Variants in SBF2 observed in about 807,000 individuals in gnomAD.
SBF2 encodes myotubularin-related protein 13.
In SBF2, 112 loss-of-function variants were observed where a neutral mutation model predicts 225.2. That is an observed-to-expected ratio of 0.50 (90% CI 0.43 to 0.58). The LOEUF (loss-of-function observed/expected upper bound fraction) is 0.58. Ranked by LOEUF, SBF2 falls within the 20% of genes least tolerant of loss-of-function variation. The pLI, the probability that SBF2 is intolerant of heterozygous loss-of-function variation, is 0.00. For missense variants in SBF2, 1,996 were observed against 2,206.2 expected, an observed-to-expected ratio of 0.90 and a Z score of 1.91; for synonymous variants, 763 against 773.3, an observed-to-expected ratio of 0.99 and a Z score of 0.22.
intron 6 of SBF2, among the ~76,000 whole-genome samples, chr11:10,022,392 A>G (rs1041078699): frequency 1.3e-5 from 2 of 152,214 alleles, no homozygotes; most frequent in Non-Finnish European, 2.9e-5. Context: ...ACATATTTTT[A>G]AGGTTTTAAA....
chr11:9,949,434 T>C (rs1191968564), intron 16 of SBF2, among the ~76,000 whole-genome samples: 3 of 152,186 alleles, frequency 2.0e-5, no homozygotes, highest in Non-Finnish European at 4.4e-5. Context: ...CTACAAGGGT[T>C]GCTGTAGGTT....
rs1472208076 is a variant in SBF2 at position 9,856,532 on chromosome 11, T to C, written c.2289A>G (p.Thr763=). 5 of 1,614,176 alleles carry C rather than the reference T, an allele frequency of 3.1e-6. No homozygotes were observed. The highest frequency in any genetic ancestry group is 2.2e-5 in the East Asian group (1 of 44,872). ...LMVNLLVPLD[T]SKNKLLRTSA... ...ATGTTCTTAGGAGCTTGTTTTTACT[T>C]GTGTCGAGTGGAACTAGCAGGTTCA... Residue 763 remains threonine, a synonymous_variant, in exon 19 of 40, where the codon ACA becomes ACG. Transcript: ENST00000256190.
chr11:10,252,343 C>G (rs763469430), intron 1 of SBF2, among the ~76,000 whole-genome samples: 124 of 152,218 alleles, frequency 8.1e-4, no homozygotes, highest in Admixed American at 3.3e-3. Flanking sequence ...CTCTGTACTT[C>G]TATATTTGAG....
chr11:9,959,315 T>G, intron 16 of SBF2: 1 of 775,626 alleles, frequency 1.3e-6, no homozygotes, highest in Non-Finnish European at 2.4e-6. Context: ...TCTGCTCACA[T>G]ACTACAGTTA....
chr11:10,113,999 G>A (rs1022748516), intron 2 of SBF2, among the ~76,000 whole-genome samples: 1 of 152,076 alleles, frequency 6.6e-6, no homozygotes, highest in Non-Finnish European at 1.5e-5. Flanking sequence ...TATTGTTAGT[G>A]TGTATTTCTC....
intron 17 of SBF2, among the ~76,000 whole-genome samples, chr11:9,872,381 C>T (rs1236244815): frequency 6.6e-6 from 1 of 152,138 alleles, no homozygotes; most frequent in Non-Finnish European, 1.5e-5. Context: ...ATGATCTGTG[C>T]AGCAAACTAC....
chr11:9,949,742 C>G (rs958861580), intron 16 of SBF2, among the ~76,000 whole-genome samples: 4 of 151,800 alleles, frequency 2.6e-5, no homozygotes, highest in African/African-American at 9.7e-5. Context: ...TTGTATCTAT[C>G]TGATTTTGGA....
intron 2 of SBF2, among the ~76,000 whole-genome samples, chr11:10,158,234 AAAAC>A (rs1186271190): frequency 6.6e-6 from 1 of 152,182 alleles, no homozygotes; most frequent in African/African-American, 2.4e-5. Flanking sequence ...CATTAAGAAA[AAAAC>A]AAAGATCTCA....
chr11:10,252,660 A>T (rs73419149), intron 1 of SBF2, among the ~76,000 whole-genome samples: 29,664 of 151,918 alleles, frequency 0.2, 3,075 homozygotes, highest in Middle Eastern at 0.26. Context: ...AATACAAAAA[A>T]TTAGCCGGGC....
chr11:10,251,691 T>C (rs1447586731), intron 1 of SBF2, among the ~76,000 whole-genome samples: 1 of 152,212 alleles, frequency 6.6e-6, no homozygotes, highest in Non-Finnish European at 1.5e-5. Context: ...ATAGTCTCCC[T>C]GGTGCGCTGT....
At chr11:9,935,013 A>C (rs1452485299) in intron 16 of SBF2, among the ~76,000 whole-genome samples, 6 of 152,156 alleles carry the variant, frequency 3.9e-5, no homozygotes, top group African/African-American at 1.4e-4. Flanking sequence ...AGGAAGTGAA[A>C]TTGTCCCTGT....
At chr11:10,013,885 C>CTCAT (rs145187504) in intron 6 of SBF2, among the ~76,000 whole-genome samples, 13,808 of 152,116 alleles carry the variant, frequency 0.091, 927 homozygotes, top group East Asian at 0.27. Flanking sequence ...TACTTACTTG[C>CTCAT]TCATTCATTC....
chr11:9,805,909 C>CTG (rs1319340863), intron 32 of SBF2, among the ~76,000 whole-genome samples: 4 of 152,320 alleles, frequency 2.6e-5, no homozygotes, highest in Admixed American at 1.3e-4. Flanking sequence ...GCGTGAGCCA[C>CTG]CACGCCCGAC....
chr11:10,217,899 A>G (rs1255395351), intron 1 of SBF2, among the ~76,000 whole-genome samples: 1 of 151,966 alleles, frequency 6.6e-6, no homozygotes, highest in Non-Finnish European at 1.5e-5. Context: ...GAGCAAAGTC[A>G]CATCTTTTTT....
At chr11:10,079,944 T>A (rs1590910399) in intron 2 of SBF2, among the ~76,000 whole-genome samples, 1 of 151,582 alleles carries the variant, frequency 6.6e-6, no homozygotes. Flanking sequence ...ATTTTCAAAG[T>A]GCTTAAAGAA....
At chr11:9,968,957 T>G (rs1276367856) in intron 13 of SBF2, among the ~76,000 whole-genome samples, 2 of 152,224 alleles carry the variant, frequency 1.3e-5, no homozygotes, top group African/African-American at 4.8e-5. Flanking sequence ...TTTTTTTCTT[T>G]AAACAAGTTT....
intron 3 of SBF2, among the ~76,000 whole-genome samples, chr11:10,037,538 C>T (rs949961212): frequency 6.6e-6 from 1 of 151,882 alleles, no homozygotes; most frequent in Non-Finnish European, 1.5e-5. Context: ...AGATATTCAT[C>T]ACAGTTATTC....
At chr11:10,248,955 G>C (rs1960065489) in intron 1 of SBF2, among the ~76,000 whole-genome samples, 1 of 152,168 alleles carries the variant, frequency 6.6e-6, no homozygotes. Context: ...AATTAGCTGG[G>C]GGTGGTGGCG....
chr11:9,809,150 T>C (rs1854025263), intron 30 of SBF2, 148 bp from the exon 31 acceptor site: 1 of 622,360 alleles, frequency 1.6e-6, no homozygotes, highest in African/African-American at 1.9e-5. Context: ...ATACCTAAAG[T>C]TCTTTCAAAT....
Sources: gnomAD v4.1 joint callset for allele counts (sites outside exome capture counted in the v4.1 genomes callset) on GRCh38, gnomAD v4.1.1 for gene constraint, MANE v1.5 for transcripts, NCBI Gene and HGNC (gene_info 2026-07-23, HGNC 2026-07-21) for gene names.